The following FAM13A variants were observed in gnomAD, a reference collection of about 807,000 sequenced individuals.
The protein encoded by FAM13A is protein FAM13A.
In FAM13A, 76 loss-of-function variants were observed where a neutral mutation model predicts 129.6. That is an observed-to-expected ratio of 0.59 (90% CI 0.49 to 0.71). FAM13A has a LOEUF of 0.71. Ranked by LOEUF, FAM13A falls within the 30% of genes least tolerant of loss-of-function variation. The pLI, the probability that FAM13A is intolerant of heterozygous loss-of-function variation, is 0.00. For missense variants in FAM13A, 1,108 were observed against 1,249.3 expected (o/e 0.89, Z 1.70); for synonymous variants, 443 against 449.9 (o/e 0.98, Z 0.20).
chr4:89,025,838 A>G (rs1767901680), intron 2 of FAM13A, among the ~76,000 whole-genome samples: 1 of 152,202 alleles, frequency 6.6e-6, no homozygotes, highest in South Asian at 2.1e-4. Flanking sequence ...TTAAGAAGAT[A>G]CCAGAAACGG....
intron 13 of FAM13A, among the ~76,000 whole-genome samples, chr4:88,765,007 C>T (rs1199658620): frequency 6.6e-6 from 1 of 152,114 alleles, no homozygotes; most frequent in Non-Finnish European, 1.5e-5. Context: ...GGGATAAGCC[C>T]ATGTTCACTT....
Position 88,758,785 on chromosome 4 carries a change from C to T in FAM13A, c.1695G>A (p.Leu565=). ...AGTTCTTTTCATCACACAATGCAGT[C>T]AGGTCCGACTGGGGCACTTCGGAGA... ...SFVSEVPQSD[L]TALCDEKNWE... Residue 565 remains leucine (L), a synonymous_variant, in exon 14 of 24, where the codon CTG becomes CTA. Transcript: ENST00000264344. The T allele has an allele frequency of 6.2e-7, 1 of 1,613,964 alleles. No homozygotes were observed. The highest frequency in any genetic ancestry group is 8.5e-7 in the Non-Finnish European group (1 of 1,179,880).
chr4:88,893,814 G>A (rs1357335079), intron 6 of FAM13A, among the ~76,000 whole-genome samples: 14 of 127,544 alleles, frequency 1.1e-4, no homozygotes, highest in South Asian at 5.0e-4. Context: ...CTGATGGAGC[G>A]AGACTCCGTC....
At chr4:89,019,972 T>G (rs934520151) in intron 3 of FAM13A, among the ~76,000 whole-genome samples, 2 of 152,118 alleles carry the variant, frequency 1.3e-5, no homozygotes, top group Non-Finnish European at 2.9e-5. Flanking sequence ...TCTCTAATGT[T>G]TTCTAAATTA....
At chr4:88,750,961 A>G (rs1040553106) in intron 14 of FAM13A, among the ~76,000 whole-genome samples, 1 of 152,208 alleles carries the variant, frequency 6.6e-6, no homozygotes, top group Non-Finnish European at 1.5e-5. Context: ...GATGGCATCA[A>G]TGAAAAGAAA....
intron 14 of FAM13A, 81 bp from the exon 15 acceptor site, chr4:88,750,718 C>A: frequency 9.5e-7 from 1 of 1,056,550 alleles, no homozygotes; most frequent in Admixed American, 2.0e-5. Flanking sequence ...GTTTCCCAGG[C>A]TTCCCAGATG....
chr4:89,036,887 C>A (rs1318508702), intron 1 of FAM13A, among the ~76,000 whole-genome samples: 1 of 152,220 alleles, frequency 6.6e-6, no homozygotes, highest in Admixed American at 6.5e-5. Flanking sequence ...ACATATTAAG[C>A]CTATGGGTGC....
chr4:88,987,259 T>C (rs1762351549), intron 4 of FAM13A, among the ~76,000 whole-genome samples: 1 of 152,062 alleles, frequency 6.6e-6, no homozygotes, highest in Admixed American at 6.5e-5. Flanking sequence ...AGTTTAAAAA[T>C]CAACATTCTA....
Position 88,906,438 on chromosome 4 carries a change from G to C in FAM13A, c.784C>G (p.Pro262Ala). ...VKEVYYKNSLPILLTRGLERD... is the reference protein window; with the variant it reads ...VKEVYYKNSLAILLTRGLERD... The stretch of plus-strand genomic sequence containing the variant: ...TCTAAGCCTCTTGTTAAAAGGATGG[G>C]CAGGGAGTTCTTATAATAGACCTCC... Residue 262 changes from proline (P) to alanine (A), a missense_variant, in exon 6 of 24, where the codon CCC becomes GCC. Transcript: ENST00000264344. 6.2e-7 allele frequency: 1 copy of C among 1,611,018 alleles called. No individual in the cohort carries two copies. Among genetic ancestry groups the C allele is most frequent in the African/African-American group, 1.3e-5 (1 of 74,896 alleles).
At chr4:89,010,844 CATT>C (rs984583769) in intron 3 of FAM13A, among the ~76,000 whole-genome samples, 1 of 151,964 alleles carries the variant, frequency 6.6e-6, no homozygotes, top group African/African-American at 2.4e-5. Context: ...TTCTTACCCT[CATT>C]ATCTTTTCTT....
chr4:88,823,171 T>C (rs1732372134), intron 7 of FAM13A: 2 of 1,473,822 alleles, frequency 1.4e-6, no homozygotes, highest in Admixed American at 5.1e-5. Flanking sequence ...AGTCTACTGC[T>C]GCTCTCAGCC....
chr4:88,864,894 G>A (rs369792672), intron 6 of FAM13A, among the ~76,000 whole-genome samples: 65 of 152,274 alleles, frequency 4.3e-4, no homozygotes, highest in African/African-American at 1.4e-3. Flanking sequence ...CCTATGCATA[G>A]TATATTCTCC....
At chr4:88,906,903 A>C (rs1561302535) in intron 5 of FAM13A, among the ~76,000 whole-genome samples, 1 of 152,232 alleles carries the variant, frequency 6.6e-6, no homozygotes, top group Admixed American at 6.5e-5. Context: ...AATTTCCTTC[A>C]GATAATTTAC....
chr4:89,035,526 A>C (rs886996094), intron 1 of FAM13A, among the ~76,000 whole-genome samples: 6 of 152,054 alleles, frequency 3.9e-5, no homozygotes. Context: ...AAAAAGGATA[A>C]TTGAGGTGCC....
At chr4:88,921,485 A>G (rs1329829179) in intron 5 of FAM13A, among the ~76,000 whole-genome samples, 3 of 152,224 alleles carry the variant, frequency 2.0e-5, no homozygotes, top group Non-Finnish European at 4.4e-5. Context: ...AAAATCCTTT[A>G]CAGACAAGCA....
intron 4 of FAM13A, among the ~76,000 whole-genome samples, chr4:88,959,856 G>C (rs957839420): frequency 6.6e-6 from 1 of 152,176 alleles, no homozygotes; most frequent in Non-Finnish European, 1.5e-5. Flanking sequence ...AGGGGATGTT[G>C]TTATTCTGTC....
In FAM13A at chr4:88,767,989, T is replaced by A. The variant is rs1254144099; in HGVS notation, c.1529A>T (p.Asp510Val). 1.3e-6 allele frequency: 2 copies of A among 1,592,940 alleles called. No homozygotes were observed. Among genetic ancestry groups the A allele is most frequent in the African/African-American group, 2.7e-5 (2 of 74,486 alleles). ...TGPDDFEWMSDERKGNEKDGG... is the reference protein window; with the variant it reads ...TGPDDFEWMSVERKGNEKDGG... Reference sequence around the variant, plus strand: ...GAGACAATTCTAAAATTACCTTTCATCAGACATCCATTCAAAATCATCAGG... The same window carrying A: ...GAGACAATTCTAAAATTACCTTTCAACAGACATCCATTCAAAATCATCAGG... Residue 510 changes from aspartate to valine, a missense_variant, in exon 12 of 24, where the codon GAT becomes GTT. Transcript: ENST00000264344.
chr4:88,976,408 G>A (rs1282215218), intron 4 of FAM13A, among the ~76,000 whole-genome samples: 1 of 152,122 alleles, frequency 6.6e-6, no homozygotes, highest in Non-Finnish European at 1.5e-5. Flanking sequence ...AGATGCAGTA[G>A]TCCTCTATGA....
chr4:88,911,708 G>T (rs1335366072), intron 5 of FAM13A, among the ~76,000 whole-genome samples: 1 of 152,062 alleles, frequency 6.6e-6, no homozygotes, highest in South Asian at 2.1e-4. Context: ...CTCCTTCAAC[G>T]GTCTCCTGTC....
Sources: gnomAD v4.1 joint callset for allele counts (sites outside exome capture counted in the v4.1 genomes callset) on GRCh38, gnomAD v4.1.1 for gene constraint, MANE v1.5 for transcripts, NCBI Gene and HGNC (gene_info 2026-07-23, HGNC 2026-07-21) for gene names.